NXPH1: variants seen among roughly 807,000 people sequenced by gnomAD.
NXPH1 encodes the protein neurexophilin 1.
In NXPH1, 5 loss-of-function variants were observed where a neutral mutation model predicts 23.7. The observed-to-expected ratio is 0.21, with a 90% CI of 0.11 to 0.44. The LOEUF is 0.44. Among genes scored for constraint, NXPH1 ranks in the 20% least tolerant of loss-of-function variants. The probability of loss-of-function intolerance (pLI) is 0.99; values close to 1 mark genes in which losing one functional copy is unlikely to be tolerated. For synonymous variants in NXPH1, 144 were observed against 122.2 expected, an observed-to-expected ratio of 1.18 and a Z score of -1.18; for missense variants, 324 against 321.6, an observed-to-expected ratio of 1.01 and a Z score of -0.06.
At chr7:8,598,216 G>A (rs1819272222) in intron 2 of NXPH1, among the ~76,000 whole-genome samples, 1 of 152,030 alleles carries the variant, frequency 6.6e-6, no homozygotes, top group African/African-American at 2.4e-5. Context: ...TTTTCTCCCA[G>A]CGTCTAAGCA....
intron 2 of NXPH1, among the ~76,000 whole-genome samples, chr7:8,494,266 G>A (rs909676570): frequency 5.9e-5 from 9 of 151,862 alleles, no homozygotes; most frequent in Non-Finnish European, 1.3e-4. Flanking sequence ...TTCCTGCAGA[G>A]GAAAAGGAAT....
chr7:8,586,888 C>G (rs1234922358), intron 2 of NXPH1, among the ~76,000 whole-genome samples: 1 of 151,898 alleles, frequency 6.6e-6, no homozygotes, highest in African/African-American at 2.4e-5. Context: ...AGTAAAACAC[C>G]ATGCAATACT....
At chr7:8,546,386 A>T (rs1381493980) in intron 2 of NXPH1, among the ~76,000 whole-genome samples, 1 of 151,384 alleles carries the variant, frequency 6.6e-6, no homozygotes, top group African/African-American at 2.4e-5. Flanking sequence ...TGGGCCTATT[A>T]TTATATGCCT....
At position 8,555,427 on chromosome 7, in the gene NXPH1, A is replaced by G. The variant is rs150250262; in HGVS notation, c.54+119660A>G. Among the ~76,000 whole-genome samples, 424 of 151,758 alleles carry G rather than the reference A, an allele frequency of 2.8e-3. 3 individuals are homozygous for G. Among genetic ancestry groups the G allele is most frequent in the African/African-American group, 9.7e-3 (401 of 41,494 alleles). ...ATTTTGAACAATCCTGATTCCACAA[A>G]AGAGATGACACAGACTGCTGAGTAA... On this transcript the variant is annotated intron_variant, in intron 2 of 2. Coordinates refer to ENST00000405863, the MANE Select transcript of NXPH1 (RefSeq NM_152745.3).
intron 2 of NXPH1, among the ~76,000 whole-genome samples, chr7:8,620,663 T>C (rs1414325650): frequency 2.0e-5 from 3 of 152,190 alleles, no homozygotes; most frequent in Non-Finnish European, 4.4e-5. Flanking sequence ...CCATTTGATG[T>C]CAAGCTGACA....
intron 2 of NXPH1, among the ~76,000 whole-genome samples, chr7:8,662,254 T>G (rs562152491): frequency 6.6e-6 from 1 of 151,954 alleles, no homozygotes; most frequent in South Asian, 2.1e-4. Context: ...TAGCTTGATA[T>G]TTGTTTCTAT....
chr7:8,491,057 A>T (rs1428490508), intron 2 of NXPH1, among the ~76,000 whole-genome samples: 1 of 150,758 alleles, frequency 6.6e-6, no homozygotes, highest in East Asian at 1.9e-4. Context: ...TTAGAAAAAC[A>T]TTTTTTTTTG....
At chr7:8,541,637 A>C (rs1345730954) in intron 2 of NXPH1, among the ~76,000 whole-genome samples, 1 of 151,688 alleles carries the variant, frequency 6.6e-6, no homozygotes, top group East Asian at 1.9e-4. Context: ...TAAATCTCAA[A>C]AATTGCTTAA....
intron 2 of NXPH1, among the ~76,000 whole-genome samples, chr7:8,542,436 C>T (rs78026531): frequency 0.013 from 1,895 of 151,578 alleles, 45 homozygotes; most frequent in African/African-American, 0.043. Flanking sequence ...AAATCGTAAA[C>T]TATATGGAAT....
At chr7:8,719,901 C>A (rs1232566216) in intron 2 of NXPH1, among the ~76,000 whole-genome samples, 1 of 151,944 alleles carries the variant, frequency 6.6e-6, no homozygotes, top group East Asian at 1.9e-4. Flanking sequence ...TTCTAATTCT[C>A]AAAATAACAC....
At chr7:8,446,156 T>C (rs1816399351) in intron 2 of NXPH1, among the ~76,000 whole-genome samples, 2 of 152,204 alleles carry the variant, frequency 1.3e-5, no homozygotes, top group African/African-American at 4.8e-5. Flanking sequence ...GTGCAATCAA[T>C]AGTTGTAAAT....
At chr7:8,441,780 T>C (rs1003865456) in intron 2 of NXPH1, among the ~76,000 whole-genome samples, 1 of 152,236 alleles carries the variant, frequency 6.6e-6, no homozygotes. Context: ...TTTTCCAAGT[T>C]TGCCCTGCCC....
intron 2 of NXPH1, among the ~76,000 whole-genome samples, chr7:8,524,194 A>G (rs1421791801): frequency 7.3e-6 from 1 of 137,634 alleles, no homozygotes; most frequent in Admixed American, 8.1e-5. Context: ...GTGAGTGGAG[A>G]TCGTGCCATT....
At chr7:8,637,369 C>A (rs1016823001) in intron 2 of NXPH1, among the ~76,000 whole-genome samples, 1 of 151,990 alleles carries the variant, frequency 6.6e-6, no homozygotes, top group Non-Finnish European at 1.5e-5. Context: ...ACCACAGGCT[C>A]GTGCCACCAT....
intron 2 of NXPH1, among the ~76,000 whole-genome samples, chr7:8,677,459 G>T (rs1190544046): frequency 6.6e-6 from 1 of 152,138 alleles, no homozygotes; most frequent in Non-Finnish European, 1.5e-5. Flanking sequence ...GACATTAAAT[G>T]AATTATTTGC....
In NXPH1 at chr7:8,749,949, C is replaced by A. The variant is rs145343786; in HGVS notation, c.55-1059C>A. Among the ~76,000 whole-genome samples, 118 of 152,174 alleles carry A rather than the reference C, an allele frequency of 7.8e-4. 2 individuals carry two copies. In the East Asian group the frequency reaches 0.021, roughly 27 times the overall value. On this transcript the variant is annotated intron_variant, in intron 2 of 2. Transcript: ENST00000405863. The stretch of plus-strand genomic sequence containing the variant: ...GGTTCTTCTGTATCTCTGTGCAGTT[C>A]GAAATACAATTCTTTCCTAAGAAAT...
intron 2 of NXPH1, among the ~76,000 whole-genome samples, chr7:8,725,489 C>CAAAAAAAAA (rs57404484): frequency 9.5e-6 from 1 of 105,710 alleles, no homozygotes; most frequent in African/African-American, 3.4e-5. Flanking sequence ...GATTCTGTCT[C>CAAAAAAAAA]AAAAAAAAAA....
chr7:8,598,925 G>C (rs1441636215), intron 2 of NXPH1, among the ~76,000 whole-genome samples: 1 of 152,098 alleles, frequency 6.6e-6, no homozygotes, highest in Non-Finnish European at 1.5e-5. Flanking sequence ...TGCAAAATCA[G>C]CAAAGTGTCT....
At chr7:8,520,153 T>C (rs1357346552) in intron 2 of NXPH1, among the ~76,000 whole-genome samples, 1 of 152,188 alleles carries the variant, frequency 6.6e-6, no homozygotes, top group African/African-American at 2.4e-5. Context: ...GAATCTGGAA[T>C]AATCTTCCAA....
Sources: gnomAD v4.1 joint callset for allele counts (sites outside exome capture counted in the v4.1 genomes callset) on GRCh38, gnomAD v4.1.1 for gene constraint, MANE v1.5 for transcripts, NCBI Gene and HGNC (gene_info 2026-07-23, HGNC 2026-07-21) for gene names.